ZMAT5: variants seen among roughly 807,000 people sequenced by gnomAD.
ZMAT5 encodes zinc finger matrin-type protein 5.
Under a neutral mutation model 28.0 loss-of-function variants are expected in ZMAT5, and 23 were observed. The ratio of observed to expected loss-of-function variants is 0.82; its 90% CI spans 0.59 to 1.16. The LOEUF (loss-of-function observed/expected upper bound fraction) is 1.16. Among genes scored for constraint, ZMAT5 ranks in the 50% most tolerant of loss-of-function variants. ZMAT5 has a pLI of 0.00. For synonymous variants in ZMAT5, 76 were observed against 84.1 expected (o/e 0.90, Z 0.52); for missense variants, 173 against 212.7 (o/e 0.81, Z 1.16).
chr22:29,741,293 G>A lies in ZMAT5; in HGVS notation c.191-563C>T, dbSNP rs138793298. Among the ~76,000 whole-genome samples, 598 of 152,316 alleles carry A rather than the reference G, an allele frequency of 3.9e-3. 3 individuals carry two copies. The highest frequency in any genetic ancestry group is 0.014 in the African/African-American group (568 of 41,550). On this transcript the variant is annotated intron_variant, in intron 3 of 5. Coordinates refer to ENST00000344318, the MANE Select transcript of ZMAT5 (RefSeq NM_001003692.2). ...ATGTCGAGATACTGGGAGGCTGGAG[G>A]TGTCTCAAGCCAGGATAACCTACCA...
chr22:29,748,240 G>T, intron 2 of ZMAT5, 178 bp downstream of exon 2: 1 of 819,548 alleles, frequency 1.2e-6, no homozygotes. Context: ...CAGCGTTGTT[G>T]GGGAAAGAGC....
chr22:29,748,345 C>T (rs2068027260), intron 2 of ZMAT5, 73 bp downstream of exon 2: 2 of 1,607,236 alleles, frequency 1.2e-6, no homozygotes, highest in African/African-American at 1.3e-5. Flanking sequence ...CACTGACCCA[C>T]AGGAGTCTTT....
chr22:29,752,389 A>G (rs2068062728), intron 1 of ZMAT5, among the ~76,000 whole-genome samples: 1 of 151,946 alleles, frequency 6.6e-6, no homozygotes, highest in African/African-American at 2.4e-5. Flanking sequence ...CCTCCACTCC[A>G]TGGGGGGCAA....
chr22:29,750,694 G>C (rs1263317483), intron 1 of ZMAT5, among the ~76,000 whole-genome samples: 1 of 152,222 alleles, frequency 6.6e-6, no homozygotes. Context: ...AGATGAGGAA[G>C]AGAAATGATT....
chr22:29,751,130 G>A (rs549336328), intron 1 of ZMAT5, among the ~76,000 whole-genome samples: 1 of 151,828 alleles, frequency 6.6e-6, no homozygotes, highest in Non-Finnish European at 1.5e-5. Context: ...CATTCAGAAA[G>A]CTTGAAGCTC....
At chr22:29,749,276 C>T (rs1467247414) in intron 1 of ZMAT5, among the ~76,000 whole-genome samples, 2 of 152,012 alleles carry the variant, frequency 1.3e-5, no homozygotes, top group East Asian at 1.9e-4. Flanking sequence ...GATGGGGTCT[C>T]GCTATGTTGC....
At chr22:29,740,881 T>G in intron 3 of ZMAT5, 151 bp from the exon 4 acceptor site, 7 of 687,866 alleles carry the variant, frequency 1.0e-5, no homozygotes, top group Non-Finnish European at 9.9e-6. Flanking sequence ...ATGGAATCTC[T>G]CCGGCCCTGC....
intron 1 of ZMAT5, chr22:29,758,935 A>T (rs1302823276): frequency 1.3e-5 from 2 of 152,262 alleles, no homozygotes; most frequent in Non-Finnish European, 2.9e-5. Context: ...GGAGGCTGCC[A>T]TGGAGGGTTC....
At chr22:29,734,358 G>A (rs572717226) in intron 5 of ZMAT5, among the ~76,000 whole-genome samples, 3 of 152,358 alleles carry the variant, frequency 2.0e-5, no homozygotes, top group South Asian at 2.1e-4. Context: ...GTTGGAGCCC[G>A]CAGGTCTCGG....
At chr22:29,748,711 T>G in intron 1 of ZMAT5, 140 bp from the exon 2 acceptor site, 1 of 1,155,766 alleles carries the variant, frequency 8.7e-7, no homozygotes, top group Non-Finnish European at 1.2e-6. Flanking sequence ...GTCAAGCTGA[T>G]GAGTATGGCC....
chr22:29,748,044 C>T (rs528945944), intron 2 of ZMAT5: 74 of 346,384 alleles, frequency 2.1e-4, no homozygotes, highest in Non-Finnish European at 3.8e-4. Context: ...CCATTCTCCC[C>T]TGGCCTGCTC....
At chr22:29,732,543 C>A (rs1292254389) in intron 5 of ZMAT5, among the ~76,000 whole-genome samples, 5 of 152,036 alleles carry the variant, frequency 3.3e-5, no homozygotes, top group Non-Finnish European at 4.4e-5. Flanking sequence ...CGAGACCATC[C>A]TGGCTAACAT....
intron 1 of ZMAT5, among the ~76,000 whole-genome samples, chr22:29,765,707 T>TA (rs35891155): frequency 1.2e-4 from 18 of 145,188 alleles, no homozygotes; most frequent in South Asian, 2.2e-4. Flanking sequence ...CTGTCTCTAC[T>TA]AAAAAAAAAA....
At chr22:29,748,184 C>T (rs1317539561) in intron 2 of ZMAT5, 2 of 580,362 alleles carry the variant, frequency 3.4e-6, no homozygotes, top group Non-Finnish European at 6.1e-6. Flanking sequence ...TTGGCTCAAA[C>T]ATCACCTCCT....
intron 1 of ZMAT5, among the ~76,000 whole-genome samples, chr22:29,756,619 C>A (rs979571273): frequency 6.6e-6 from 1 of 152,128 alleles, no homozygotes; most frequent in South Asian, 2.1e-4. Flanking sequence ...CAGAGAAATG[C>A]GAGTCCAGGC....
chr22:29,732,453 A>G (rs2067857251), intron 5 of ZMAT5, among the ~76,000 whole-genome samples: 1 of 152,164 alleles, frequency 6.6e-6, no homozygotes, highest in African/African-American at 2.4e-5. Context: ...ACACGTGCAC[A>G]TTGGCCGGGC....
chr22:29,731,224 C>T lies in ZMAT5; in HGVS notation c.*1G>A. The T allele has an allele frequency of 6.7e-7, 1 of 1,497,078 alleles. No individual in the cohort carries two copies. Among genetic ancestry groups the T allele is most frequent in the South Asian group, 1.4e-5 (1 of 71,652 alleles). The allele number at this position is 1,497,078 out of a possible 1,614,324, so 92.7% of individuals were successfully genotyped here. ...GTGGGGGTCAGTCGGGGGCAAGGGG[C>T]TCAGCCCCACTGGACTCTGGGCTGC... On this transcript the variant is annotated 3_prime_UTR_variant, in exon 6 of 6. Coordinates refer to ENST00000344318, the MANE Select transcript of ZMAT5 (RefSeq NM_001003692.2).
chr22:29,755,226 C>T (rs1365880851), intron 1 of ZMAT5, among the ~76,000 whole-genome samples: 1 of 151,416 alleles, frequency 6.6e-6, no homozygotes. Flanking sequence ...ACCCAGGCAG[C>T]GGAGGTTGCA....
intron 1 of ZMAT5, among the ~76,000 whole-genome samples, chr22:29,753,155 C>T (rs12159536): frequency 0.11 from 16,706 of 152,236 alleles, 1,549 homozygotes; most frequent in African/African-American, 0.25. Context: ...TACATCCAGT[C>T]GCTACTGCTT....
Sources: gnomAD v4.1 joint callset for allele counts (sites outside exome capture counted in the v4.1 genomes callset) on GRCh38, gnomAD v4.1.1 for gene constraint, MANE v1.5 for transcripts, NCBI Gene and HGNC (gene_info 2026-07-23, HGNC 2026-07-21) for gene names.